Variants in ADAMTS12 observed in about 807,000 individuals in gnomAD.
ADAMTS12 encodes the protein A disintegrin and metalloproteinase with thrombospondin motifs 12.
In ADAMTS12, 118 loss-of-function variants were observed where a neutral mutation model predicts 167.8. The ratio of observed to expected loss-of-function variants is 0.70; its 90% CI spans 0.61 to 0.82. The LOEUF (loss-of-function observed/expected upper bound fraction) is 0.82. Ranked by LOEUF, ADAMTS12 falls within the 40% of genes least tolerant of loss-of-function variation. The pLI, the probability that ADAMTS12 is intolerant of heterozygous loss-of-function variation, is 0.00. For synonymous variants in ADAMTS12, 704 were observed against 716.9 expected (o/e 0.98, Z 0.29); for missense variants, 1,916 against 1,998.8 (o/e 0.96, Z 0.79).
At chr5:33,661,282 C>G (rs1741249768) in intron 6 of ADAMTS12, among the ~76,000 whole-genome samples, 1 of 152,120 alleles carries the variant, frequency 6.6e-6, no homozygotes, top group African/African-American at 2.4e-5. Flanking sequence ...CTTCAAAGAG[C>G]AAGAGTTGAT....
chr5:33,791,825 A>C (rs907879479), intron 2 of ADAMTS12, among the ~76,000 whole-genome samples: 1 of 150,332 alleles, frequency 6.7e-6, no homozygotes, highest in African/African-American at 2.5e-5. Context: ...TTTGATATAA[A>C]GGAAGCTTTA....
chr5:33,612,230 C>T (rs10941071), intron 16 of ADAMTS12, among the ~76,000 whole-genome samples: 27,353 of 152,200 alleles, frequency 0.18, 3,051 homozygotes, highest in East Asian at 0.32. Context: ...TGTGATCTTT[C>T]CCATTAAGGC....
rs144922263 is a variant in ADAMTS12 at position 33,661,935 on chromosome 5, C to T, written c.1021G>A (p.Val341Met). Residue 341 changes from valine (V) to methionine (M), a missense_variant, in exon 6 of 24, where the codon GTG (valine) becomes ATG (methionine). Val to Met is a conservative substitution (Grantham distance 21). Transcript: ENST00000504830. ...GTGTACCTGGTGAGAAGGACAGCCA[C>T]GTCGTGATGAACAGGATTGAGGTCA... The part of the protein sequence containing the change: ...KSDLNPVHHD[V>M]AVLLTRKDIC... 3.7e-5 allele frequency: 59 copies of T among 1,613,258 alleles called. No homozygotes were observed. Among genetic ancestry groups the T allele is most frequent in the Admixed American group, 6.7e-5 (4 of 59,966 alleles).
intron 19 of ADAMTS12, among the ~76,000 whole-genome samples, chr5:33,574,839 G>C (rs947406115): frequency 2.0e-5 from 3 of 152,010 alleles, no homozygotes; most frequent in Non-Finnish European, 2.9e-5. Context: ...TTTTATATTA[G>C]CTGCTAATAG....
chr5:33,862,057 A>C (rs1410518639), intron 2 of ADAMTS12, among the ~76,000 whole-genome samples: 4 of 152,226 alleles, frequency 2.6e-5, no homozygotes, highest in Non-Finnish European at 5.9e-5. Context: ...ACAGCACTAA[A>C]TGTTCACAGA....
At chr5:33,585,982 CCAG>C (rs1291252199) in intron 18 of ADAMTS12, among the ~76,000 whole-genome samples, 1 of 152,048 alleles carries the variant, frequency 6.6e-6, no homozygotes, top group Non-Finnish European at 1.5e-5. Context: ...TTAGTTCAGC[CCAG>C]AGAAGGCCAT....
At chr5:33,560,740 A>G (rs1475359840) in intron 20 of ADAMTS12, among the ~76,000 whole-genome samples, 2 of 131,358 alleles carry the variant, frequency 1.5e-5, no homozygotes, top group African/African-American at 5.7e-5. Context: ...TGGACACAGG[A>G]AGGGGAACAT....
chr5:33,653,141 A>G (rs891897231), intron 7 of ADAMTS12, among the ~76,000 whole-genome samples: 4 of 152,156 alleles, frequency 2.6e-5, no homozygotes, highest in African/African-American at 9.6e-5. Context: ...AGCATTAAGT[A>G]TAATATTAGG....
chr5:33,845,103 C>T (rs1472985109), intron 2 of ADAMTS12, among the ~76,000 whole-genome samples: 1 of 152,136 alleles, frequency 6.6e-6, no homozygotes, highest in Non-Finnish European at 1.5e-5. Context: ...TATAGATACA[C>T]TAATAACTAG....
At chr5:33,650,552 G>A (rs1435649583) in intron 7 of ADAMTS12, among the ~76,000 whole-genome samples, 3 of 152,184 alleles carry the variant, frequency 2.0e-5, no homozygotes, top group Admixed American at 6.5e-5. Flanking sequence ...GGTAAAACTA[G>A]GTTTCAGACA....
chr5:33,539,555 C>A (rs193194889), intron 22 of ADAMTS12, among the ~76,000 whole-genome samples: 2 of 152,268 alleles, frequency 1.3e-5, no homozygotes, highest in African/African-American at 4.8e-5. Flanking sequence ...TTGATCTTTT[C>A]TCTTTTGAAA....
At chr5:33,727,396 G>GTTAA (rs1247478044) in intron 3 of ADAMTS12, among the ~76,000 whole-genome samples, 1 of 152,246 alleles carries the variant, frequency 6.6e-6, no homozygotes, top group African/African-American at 2.4e-5. Flanking sequence ...ATAGGAGGAA[G>GTTAA]TTAACATAGC....
At chr5:33,530,179 G>A (rs556332299) in intron 23 of ADAMTS12, among the ~76,000 whole-genome samples, 268 of 152,186 alleles carry the variant, frequency 1.8e-3, no homozygotes, top group African/African-American at 6.2e-3. Flanking sequence ...GCCTGCCTCG[G>A]CCTCCCAAAG....
rs1365183762 is a variant in ADAMTS12, at chr5:33,641,913, C to T, written c.1615G>A (p.Glu539Lys). 3 of 1,613,706 alleles carry T rather than the reference C, an allele frequency of 1.9e-6. No homozygotes were observed. Among genetic ancestry groups the T allele is most frequent in the South Asian group, 1.1e-5 (1 of 91,050 alleles). ...GKCITVGKKP[E>K]SIPGGWGRWS... Reference sequence around the variant, plus strand: ...CGGCCCCAGCCTCCAGGAATGCTCTCTGGTTTCTTCCCCACTGTGATGCAC... The same window carrying T: ...CGGCCCCAGCCTCCAGGAATGCTCTTTGGTTTCTTCCCCACTGTGATGCAC... The change falls in exon 11 of 24, where the codon GAG becomes AAG. Residue 539 changes from glutamate (E) to lysine (K), a missense_variant. By Grantham distance (56) the Glu-to-Lys change is moderately conservative (BLOSUM62 1). Coordinates refer to ENST00000504830, the MANE Select transcript of ADAMTS12 (RefSeq NM_030955.4).
intron 3 of ADAMTS12, among the ~76,000 whole-genome samples, chr5:33,741,199 G>A (rs1744564484): frequency 6.6e-6 from 1 of 152,198 alleles, no homozygotes; most frequent in African/African-American, 2.4e-5. Flanking sequence ...GTGTTCATCT[G>A]CTAGGGCTGC....
chr5:33,560,496 A>AC (rs1745686955), intron 20 of ADAMTS12, among the ~76,000 whole-genome samples: 2 of 152,246 alleles, frequency 1.3e-5, no homozygotes, highest in Admixed American at 1.3e-4. Context: ...GGCACTACTC[A>AC]CAAAGCAAAG....
At chr5:33,828,618 G>A (rs1017810608) in intron 2 of ADAMTS12, among the ~76,000 whole-genome samples, 3 of 151,950 alleles carry the variant, frequency 2.0e-5, no homozygotes, top group East Asian at 3.9e-4. Context: ...TACCTTTCAC[G>A]TTTCAGTCCT....
At chr5:33,773,429 C>G (rs976965298) in intron 2 of ADAMTS12, among the ~76,000 whole-genome samples, 1 of 152,100 alleles carries the variant, frequency 6.6e-6, no homozygotes, top group Non-Finnish European at 1.5e-5. Context: ...AAAATGAAAC[C>G]CTGCTGCCAG....
At chr5:33,560,730 T>A (rs1406338280) in intron 20 of ADAMTS12, among the ~76,000 whole-genome samples, 1 of 121,318 alleles carries the variant, frequency 8.2e-6, no homozygotes, top group Non-Finnish European at 1.6e-5. Flanking sequence ...TGAGAACACA[T>A]GGACACAGGA....
Sources: allele counts gnomAD v4.1 joint callset (sites outside exome capture counted in the v4.1 genomes callset), GRCh38; gene constraint gnomAD v4.1.1; transcripts MANE v1.5; gene names NCBI Gene and HGNC (gene_info 2026-07-23, HGNC 2026-07-21).